Variants in SPEF2 observed in about 807,000 individuals in gnomAD.
SPEF2 encodes the protein sperm flagellar and cilia associated 2.
SPEF2 carries 187 observed loss-of-function variants against 224.6 expected under a neutral mutation model. The observed-to-expected ratio is 0.83, with a 90% confidence interval of 0.74 to 0.94. The LOEUF (loss-of-function observed/expected upper bound fraction) is 0.94, where lower values mean the gene tolerates loss of function less well. Among genes scored for constraint, SPEF2 ranks in the 40% least tolerant of loss-of-function variants. SPEF2 has a pLI of 0.00. For missense variants in SPEF2, 2,170 were observed against 2,135.6 expected (o/e 1.02, Z -0.32); for synonymous variants, 715 against 707.3 (o/e 1.01, Z -0.17).
chr5:35,664,763 G>GGA (rs138564199), intron 8 of SPEF2, among the ~76,000 whole-genome samples: 17 of 142,112 alleles, frequency 1.2e-4, no homozygotes, highest in Non-Finnish European at 1.9e-4. Flanking sequence ...GAAGGAAGGA[G>GGA]GAGAGAGAGA....
chr5:35,631,241 C>G (rs1195449413), intron 2 of SPEF2, among the ~76,000 whole-genome samples: 2 of 152,016 alleles, frequency 1.3e-5, no homozygotes, highest in East Asian at 3.9e-4. Context: ...GAGACCCATT[C>G]ACTATCACGA....
At chr5:35,642,843 A>G (rs1346642951) in intron 3 of SPEF2, among the ~76,000 whole-genome samples, 2 of 152,206 alleles carry the variant, frequency 1.3e-5, no homozygotes, top group Non-Finnish European at 2.9e-5. Flanking sequence ...CTTCATGGAT[A>G]TCATTGTAAG....
At chr5:35,807,057 G>A (rs531246478) in intron 35 of SPEF2, 74 bp from the exon 36 acceptor site, 1 of 1,564,522 alleles carries the variant, frequency 6.4e-7, no homozygotes, top group East Asian at 2.2e-5. Context: ...AATCTCTTTA[G>A]TAAATACAAC....
chr5:35,774,324 A>T (rs1753299888), intron 28 of SPEF2, among the ~76,000 whole-genome samples: 1 of 152,200 alleles, frequency 6.6e-6, no homozygotes, highest in Non-Finnish European at 1.5e-5. Context: ...TTAAAATCTC[A>T]TAAAACAGAA....
intron 21 of SPEF2, among the ~76,000 whole-genome samples, chr5:35,739,547 T>C (rs552663667): frequency 1.2e-4 from 18 of 152,204 alleles, no homozygotes; most frequent in African/African-American, 4.1e-4. Flanking sequence ...ACCTGGCTAA[T>C]TTTTTGTATT....
chr5:35,702,328 T>C (rs765830129), intron 16 of SPEF2: 7 of 455,956 alleles, frequency 1.5e-5, no homozygotes, highest in South Asian at 1.1e-4. Flanking sequence ...AGGTAAATGA[T>C]CCAGACTCAA....
chr5:35,714,306 C>T (rs992414738), intron 20 of SPEF2, among the ~76,000 whole-genome samples: 1 of 151,230 alleles, frequency 6.6e-6, no homozygotes, highest in Non-Finnish European at 1.5e-5. Context: ...GAGTTACTTT[C>T]CCCACCCCCA....
At chr5:35,708,030 A>T (rs1318770461) in intron 18 of SPEF2, among the ~76,000 whole-genome samples, 1 of 152,148 alleles carries the variant, frequency 6.6e-6, no homozygotes, top group Non-Finnish European at 1.5e-5. Context: ...AAGCTTCATA[A>T]GGCCATTGAT....
At chr5:35,664,675 T>C (rs945292504) in intron 8 of SPEF2, among the ~76,000 whole-genome samples, 1 of 144,624 alleles carries the variant, frequency 6.9e-6, no homozygotes, top group African/African-American at 2.6e-5. Context: ...CAAGACTCCA[T>C]CTCGGGGGAA....
intron 30 of SPEF2, chr5:35,788,114 A>C: frequency 1.4e-6 from 1 of 702,996 alleles, no homozygotes; most frequent in South Asian, 1.5e-5. Flanking sequence ...TGAATTTCTC[A>C]ATGCACATCA....
chr5:35,776,433 G>T, intron 29 of SPEF2, 38 bp downstream of exon 29: 1 of 1,547,838 alleles, frequency 6.5e-7, no homozygotes, highest in African/African-American at 1.4e-5. Context: ...TATGCTTTGT[G>T]TATTCTAAGT....
intron 17 of SPEF2, 82 bp from the exon 18 acceptor site, chr5:35,705,569 C>A: frequency 2.1e-6 from 2 of 973,720 alleles, no homozygotes; most frequent in Non-Finnish European, 3.0e-6. Flanking sequence ...CTTTTCATTA[C>A]GCATGTCGGA....
At chr5:35,688,238 C>T (rs1561198707) in intron 10 of SPEF2, among the ~76,000 whole-genome samples, 1 of 139,880 alleles carries the variant, frequency 7.1e-6, no homozygotes, top group Non-Finnish European at 1.5e-5. Flanking sequence ...AGAGACAGTG[C>T]TGCTTCTTTC....
chr5:35,739,844 A>G, intron 21 of SPEF2, 75 bp from the exon 22 acceptor site: 1 of 1,558,456 alleles, frequency 6.4e-7, no homozygotes, highest in Non-Finnish European at 8.7e-7. Context: ...TTTGCTTGGG[A>G]CTGTTCTTTT....
chr5:35,718,975 C>T (rs976064490), intron 20 of SPEF2, among the ~76,000 whole-genome samples: 1 of 152,170 alleles, frequency 6.6e-6, no homozygotes, highest in African/African-American at 2.4e-5. Flanking sequence ...GTGACACACC[C>T]AGATAACTGG....
rs1006620628 is a variant in SPEF2 at position 35,740,235 on chromosome 5, G to A, written c.3298G>A (p.Glu1100Lys). ...TCCTGATGACCTGTGGGATGATGAG[G>A]AAACAAAGGCTGAACTACATCAACG... ...SLPDDLWDDE[E>K]TKAELHQRVN... Residue 1100 changes from glutamate (E) to lysine (K), a missense_variant, in exon 23 of 37, where the codon GAA becomes AAA. Transcript: ENST00000356031. 8 of 1,614,002 alleles carry A rather than the reference G, an allele frequency of 5.0e-6. No individual in the cohort carries two copies. In the Admixed American group the frequency reaches 5.0e-5, roughly 10 times the overall value.
At chr5:35,725,006 A>T (rs1744391688) in intron 20 of SPEF2, among the ~76,000 whole-genome samples, 1 of 151,726 alleles carries the variant, frequency 6.6e-6, no homozygotes, top group Non-Finnish European at 1.5e-5. Context: ...ACGCAGAGTA[A>T]CAGCATAAAT....
Position 35,752,866 on chromosome 5 carries a change from C to T in SPEF2, c.3331-758C>T, listed in dbSNP as rs182508808. ...AATACAAGTATAGTGACTTATGTTC[C>T]GACACATAGATACACACTGAAAGGA... On this transcript the variant is annotated intron_variant, in intron 23 of 36. Coordinates refer to ENST00000356031, the MANE Select transcript of SPEF2 (RefSeq NM_024867.4). Among the ~76,000 whole-genome samples, 18 of 151,190 alleles carry T rather than the reference C, an allele frequency of 1.2e-4. No homozygotes were observed. The East Asian group carries it at 1.9e-3, about 16-fold the overall frequency.
At position 35,656,261 on chromosome 5, in the gene SPEF2, G is replaced by A. The variant is rs139454027; in HGVS notation, c.978+1535G>A. On this transcript the variant is annotated intron_variant, in intron 7 of 36. Transcript: ENST00000356031. ...AAGATGCTTTTATTCACCTACCCAC[G>A]TCTGGTCTGCTTGTTCGCTGAAAGG... 2.8e-3 allele frequency among the ~76,000 whole-genome samples: 429 copies of A among 152,220 alleles called. 2 individuals carry two copies. Among genetic ancestry groups the A allele is most frequent in the Non-Finnish European group, 5.1e-3 (346 of 68,004 alleles).
Sources: allele counts gnomAD v4.1 joint callset (sites outside exome capture counted in the v4.1 genomes callset), GRCh38; gene constraint gnomAD v4.1.1; transcripts MANE v1.5; gene names NCBI Gene and HGNC (gene_info 2026-07-23, HGNC 2026-07-21).